BTRC: variants seen among roughly 807,000 people sequenced by gnomAD.
The protein encoded by BTRC is F-box/WD repeat-containing protein 1A.
In BTRC, 42 loss-of-function variants were observed where a neutral mutation model predicts 85.5. That is an observed-to-expected ratio of 0.49 (90% CI 0.38 to 0.64). The LOEUF is 0.64. BTRC is among the 30% of genes least tolerant of loss of function. The pLI is 0.00. For missense variants in BTRC, 594 were observed against 743.5 expected (o/e 0.80, Z 2.34); for synonymous variants, 255 against 263.3 (o/e 0.97, Z 0.30).
At chr10:101,432,111 C>T (rs1159837476) in intron 2 of BTRC, among the ~76,000 whole-genome samples, 1 of 150,432 alleles carries the variant, frequency 6.6e-6, no homozygotes, top group Non-Finnish European at 1.5e-5. Flanking sequence ...TTATTTATTT[C>T]AAAGTGAAAT....
intron 2 of BTRC, among the ~76,000 whole-genome samples, chr10:101,451,589 G>A (rs139484685): frequency 2.4e-4 from 37 of 152,250 alleles, no homozygotes; most frequent in Non-Finnish European, 4.3e-4. Flanking sequence ...TGTGTGCTGT[G>A]CAAATTCTGG....
chr10:101,354,298 C>G, intron 1 of BTRC, 70 bp downstream of exon 1: 1 of 1,518,460 alleles, frequency 6.6e-7, no homozygotes, highest in Non-Finnish European at 8.9e-7. Flanking sequence ...CCTGGGCCGC[C>G]CGCCCACTGC....
At chr10:101,498,064 AGAGAGAGTGATTTTGT>A (rs1946309683) in intron 4 of BTRC, among the ~76,000 whole-genome samples, 1 of 152,140 alleles carries the variant, frequency 6.6e-6, no homozygotes, top group African/African-American at 2.4e-5. Flanking sequence ...TGACATATAC[AGAGAGAGTGATTTTGT>A]GTGACATATA....
At chr10:101,489,649 AG>A (rs1946078617) in intron 4 of BTRC, among the ~76,000 whole-genome samples, 1 of 152,196 alleles carries the variant, frequency 6.6e-6, no homozygotes, top group Non-Finnish European at 1.5e-5. Flanking sequence ...TCAGCTTATG[AG>A]GGAAATGAGC....
chr10:101,553,960 G>A lies in BTRC; in HGVS notation c.*837G>A, dbSNP rs1487461147. The A allele has an allele frequency of 7.6e-6, 1 of 130,894 alleles. No homozygotes were observed. Among genetic ancestry groups the A allele is most frequent in the East Asian group, 3.6e-4 (1 of 2,812 alleles). The allele number at this position is 130,894 out of a possible 1,614,324, so 8.1% of individuals were successfully genotyped here. ...AGGCCTTTGCTGCAAGTGACCCTGT[G>A]GCAACAGTGGATTCTCAGACATGAT... On this transcript the variant is annotated 3_prime_UTR_variant, in exon 15 of 15. Coordinates refer to ENST00000370187, the MANE Select transcript of BTRC (RefSeq NM_033637.4).
chr10:101,371,695 G>A (rs1008739076), intron 1 of BTRC, among the ~76,000 whole-genome samples: 3 of 152,154 alleles, frequency 2.0e-5, no homozygotes, highest in Non-Finnish European at 4.4e-5. Flanking sequence ...TTTGACCTTT[G>A]TGAATAATGC....
At chr10:101,410,916 A>T (rs1273760873) in intron 1 of BTRC, among the ~76,000 whole-genome samples, 2 of 150,420 alleles carry the variant, frequency 1.3e-5, no homozygotes, top group Non-Finnish European at 3.0e-5. Context: ...GTAACTTATT[A>T]TTTTTGCTTA....
At chr10:101,506,653 A>G (rs1323370193) in intron 4 of BTRC, among the ~76,000 whole-genome samples, 1 of 152,214 alleles carries the variant, frequency 6.6e-6, no homozygotes, top group Admixed American at 6.5e-5. Flanking sequence ...CCAAGCTCAG[A>G]TTCAAAATTG....
chr10:101,436,052 A>G (rs1307222132), intron 2 of BTRC, among the ~76,000 whole-genome samples: 1 of 152,196 alleles, frequency 6.6e-6, no homozygotes, highest in Non-Finnish European at 1.5e-5. Flanking sequence ...AAGATGCTGA[A>G]AAAAGTTGTT....
At chr10:101,415,833 G>A (rs1362395727) in intron 1 of BTRC, among the ~76,000 whole-genome samples, 4 of 152,078 alleles carry the variant, frequency 2.6e-5, no homozygotes, top group Admixed American at 6.6e-5. Flanking sequence ...GAGCCACTGC[G>A]CCTGGCCCTT....
At chr10:101,435,452 A>G (rs576730141) in intron 2 of BTRC, among the ~76,000 whole-genome samples, 36 of 152,274 alleles carry the variant, frequency 2.4e-4, no homozygotes, top group Non-Finnish European at 5.1e-4. Context: ...GCCATCATAT[A>G]GTGTACATTC....
At chr10:101,549,094 ATTATAT>A (rs2062604330) in intron 13 of BTRC, among the ~76,000 whole-genome samples, 1 of 151,804 alleles carries the variant, frequency 6.6e-6, no homozygotes, top group African/African-American at 2.4e-5. Context: ...ATACTATATG[ATTATAT>A]TTATATGAAA....
chr10:101,521,760 A>G lies in BTRC; in HGVS notation c.446A>G (p.Gln149Arg). 1.2e-6 allele frequency: 2 copies of G among 1,614,112 alleles called. No homozygotes were observed. Among genetic ancestry groups the G allele is most frequent in the Non-Finnish European group, 1.7e-6 (2 of 1,179,972 alleles). Residue 149 changes from glutamine (Q) to arginine (R), a missense_variant, in exon 5 of 15, where the codon CAA (glutamine) becomes CGA (arginine). Gln to Arg is a conservative substitution (Grantham distance 43). Around this residue, in one of 4 missense-constraint regions of BTRC, gnomAD observed 163 missense variants for 180.5 expected, o/e 0.90. Transcript: ENST00000370187. ...KYFEQWSESD[Q>R]VEFVEHLISQ... ...TTTGAGCAGTGGTCAGAGTCAGATC[A>G]AGTGGAATTTGTGGAACATCTTATA...
At position 101,536,545 on chromosome 10, in the gene BTRC, TATGGGACATAGAATGTGGTGC is replaced by T; in HGVS notation, c.1473_1493del (p.Trp491_Ala497del). ...CCTGACTTAATTTTCTCTTCCAGAT[TATGGGACATAGAATGTGGTGC>T]ATGTTTACGAGTGTTAGAAGGCCAT... On this transcript the variant is annotated inframe_deletion, in exon 12 of 15. Transcript: ENST00000370187. 1 of 1,610,546 alleles carries T rather than the reference TATGGGACATAGAATGTGGTGC, an allele frequency of 6.2e-7. No homozygotes were observed. The highest frequency in any genetic ancestry group is 8.5e-7 in the Non-Finnish European group (1 of 1,176,916).
chr10:101,388,947 A>G (rs1315311595), intron 1 of BTRC, among the ~76,000 whole-genome samples: 2 of 152,010 alleles, frequency 1.3e-5, no homozygotes, highest in African/African-American at 2.4e-5. Context: ...TTTCCTGTCT[A>G]CACTTTGTTC....
At position 101,478,550 on chromosome 10, in the gene BTRC, G is replaced by T. The variant is rs147209394; in HGVS notation, c.235-818G>T. On this transcript the variant is annotated intron_variant, in intron 3 of 14. Coordinates refer to ENST00000370187, the MANE Select transcript of BTRC (RefSeq NM_033637.4). ...TCGTCCCTGTAATCCCAGCACATTA[G>T]AAGGCTGAGGCAGGAGGATCACTTG... Among the ~76,000 whole-genome samples, 585 of 151,794 alleles carry T rather than the reference G, an allele frequency of 3.9e-3. 6 individuals are homozygous for T. Among genetic ancestry groups the T allele is most frequent in the African/African-American group, 0.013 (547 of 41,384 alleles).
At chr10:101,443,985 T>C (rs1166090215) in intron 2 of BTRC, among the ~76,000 whole-genome samples, 1 of 152,218 alleles carries the variant, frequency 6.6e-6, no homozygotes, top group Non-Finnish European at 1.5e-5. Flanking sequence ...TAAGTACTTA[T>C]ATACCAGTCA....
chr10:101,523,252 A>C (rs1379211042), intron 5 of BTRC, among the ~76,000 whole-genome samples: 1 of 152,166 alleles, frequency 6.6e-6, no homozygotes, highest in Non-Finnish European at 1.5e-5. Context: ...ACAGATGACT[A>C]AGAAACGTTT....
At chr10:101,548,234 A>C (rs2062588693) in intron 13 of BTRC, among the ~76,000 whole-genome samples, 1 of 152,242 alleles carries the variant, frequency 6.6e-6, no homozygotes, top group Non-Finnish European at 1.5e-5. Flanking sequence ...GTCTACTCCT[A>C]GTTGAAATGG....
Sources: gnomAD v4.1 joint callset for allele counts (sites outside exome capture counted in the v4.1 genomes callset) on GRCh38, gnomAD v4.1.1 for gene constraint, gnomAD v4.1.1 regional missense constraint, MANE v1.5 for transcripts, NCBI Gene and HGNC (gene_info 2026-07-23, HGNC 2026-07-21) for gene names.